The following CLIC5 variants were observed in gnomAD, a reference collection of about 807,000 sequenced individuals.
CLIC5 encodes CLIC family member 5.
CLIC5 carries 20 observed loss-of-function variants against 24.7 expected under a neutral mutation model. The ratio of observed to expected loss-of-function variants is 0.81; its 90% confidence interval spans 0.57 to 1.18. CLIC5 has a LOEUF of 1.18. Among genes scored for constraint, CLIC5 ranks in the 50% most tolerant of loss-of-function variants. The pLI is 0.00. For synonymous variants in CLIC5, 159 were observed against 135.6 expected (o/e 1.17, Z -1.20); for missense variants, 341 against 326.1 (o/e 1.05, Z -0.35).
chr6:46,048,001 T>G (rs550168945), intron 1 of CLIC5, among the ~76,000 whole-genome samples: 1 of 133,184 alleles, frequency 7.5e-6, no homozygotes, highest in East Asian at 2.2e-4. Context: ...CACTTCCATA[T>G]CTACTTTTTT....
intron 4 of CLIC5, among the ~76,000 whole-genome samples, chr6:45,927,536 C>A (rs1236403532): frequency 6.6e-6 from 1 of 152,188 alleles, no homozygotes; most frequent in Non-Finnish European, 1.5e-5. Flanking sequence ...TTTACAAAGA[C>A]AAAACGTATC....
At chr6:45,980,509 GC>G (rs1037925499) in intron 1 of CLIC5, among the ~76,000 whole-genome samples, 1 of 151,866 alleles carries the variant, frequency 6.6e-6, no homozygotes, top group African/African-American at 2.4e-5. Flanking sequence ...CCAAACCTCA[GC>G]GACATGGAAT....
chr6:45,967,579 C>T (rs1267542944), intron 1 of CLIC5, among the ~76,000 whole-genome samples: 3 of 152,152 alleles, frequency 2.0e-5, no homozygotes, highest in African/African-American at 7.2e-5. Context: ...TTGAACAATG[C>T]AGGTGTATTA....
At chr6:45,931,751 C>T (rs1449299352) in intron 4 of CLIC5, among the ~76,000 whole-genome samples, 7 of 152,252 alleles carry the variant, frequency 4.6e-5, no homozygotes, top group East Asian at 3.9e-4. Context: ...CTCTGCCTCC[C>T]GGGTTTAAGT....
chr6:46,036,436 G>A (rs1011543888), intron 1 of CLIC5, among the ~76,000 whole-genome samples: 1 of 149,318 alleles, frequency 6.7e-6, no homozygotes, highest in Non-Finnish European at 1.5e-5. Flanking sequence ...TCAGCCTCCC[G>A]AGTAGCTGGG....
intron 4 of CLIC5, among the ~76,000 whole-genome samples, chr6:45,925,314 C>T (rs141433305): frequency 6.8e-6 from 1 of 147,788 alleles, no homozygotes; most frequent in Admixed American, 6.7e-5. Flanking sequence ...TGTCATTATT[C>T]CGCTTTTTTT....
rs545260605 is a variant in CLIC5, at chr6:45,929,968, C to G, written c.406+11579G>C. ...CCCCTGGATGGCCAGGCCCTCCAGA[C>G]AGGGCCACTGTGACACGGGGGCTGG... On this transcript the variant is annotated intron_variant, in intron 4 of 5. Coordinates refer to ENST00000339561, the MANE Select transcript of CLIC5 (RefSeq NM_016929.5). Among the ~76,000 whole-genome samples, 5 of 152,256 alleles carry G rather than the reference C, an allele frequency of 3.3e-5. No individual in the cohort carries two copies. In the South Asian group the frequency reaches 1.0e-3, roughly 32 times the overall value.
chr6:45,919,923 T>C (rs1363703423), intron 4 of CLIC5, among the ~76,000 whole-genome samples: 2 of 152,256 alleles, frequency 1.3e-5, no homozygotes, highest in Admixed American at 6.5e-5. Context: ...TCTATTATAA[T>C]TTAGGTGCAA....
chr6:46,002,905 T>A (rs1445529957), intron 1 of CLIC5, among the ~76,000 whole-genome samples: 1 of 152,220 alleles, frequency 6.6e-6, no homozygotes, highest in African/African-American at 2.4e-5. Flanking sequence ...GTCATCTCCC[T>A]CTTGCTCGCC....
chr6:45,923,439 C>T (rs1459733231), intron 4 of CLIC5, among the ~76,000 whole-genome samples: 1 of 152,248 alleles, frequency 6.6e-6, no homozygotes, highest in Non-Finnish European at 1.5e-5. Context: ...ACATCTTTTA[C>T]ATAAGAGCCA....
chr6:46,033,541 G>T (rs111478026), intron 1 of CLIC5, among the ~76,000 whole-genome samples: 2,743 of 152,184 alleles, frequency 0.018, 76 homozygotes, highest in African/African-American at 0.061. Flanking sequence ...AAGAGAGTTT[G>T]GGGGCTGGAT....
chr6:45,971,989 C>T (rs1765216283), intron 1 of CLIC5, among the ~76,000 whole-genome samples: 1 of 152,084 alleles, frequency 6.6e-6, no homozygotes, highest in South Asian at 2.1e-4. Flanking sequence ...CTTCTCAGTC[C>T]TATGATACAG....
At chr6:46,124,585 TTAAAC>T in the CLIC5 span, among the ~76,000 whole-genome samples, 2 of 152,176 alleles carry the variant, frequency 1.3e-5, no homozygotes, top group African/African-American at 4.8e-5. Context: ...TGGGATCTAA[TTAAAC>T]TAAAGAACTT....
chr6:46,039,484 CATATT>C (rs1392259926), intron 1 of CLIC5, among the ~76,000 whole-genome samples: 1 of 151,900 alleles, frequency 6.6e-6, no homozygotes, highest in East Asian at 1.9e-4. Context: ...ATTCATTCCT[CATATT>C]ATATATTATA....
chr6:46,018,211 G>A (rs895131712), upstream of CLIC5, among the ~76,000 whole-genome samples: 11 of 152,270 alleles, frequency 7.2e-5, no homozygotes, highest in Admixed American at 2.0e-4. Flanking sequence ...TGCATAAAAT[G>A]TCTTCGAGGG....
At chr6:45,981,175 T>G (rs1327288644) in intron 1 of CLIC5, among the ~76,000 whole-genome samples, 1 of 152,028 alleles carries the variant, frequency 6.6e-6, no homozygotes, top group Non-Finnish European at 1.5e-5. Context: ...TTTCCATGTT[T>G]CCCAGGCTGG....
chr6:46,019,542 C>T (rs1448275375), upstream of CLIC5, among the ~76,000 whole-genome samples: 5 of 150,506 alleles, frequency 3.3e-5, no homozygotes, highest in East Asian at 1.9e-4. Context: ...AAAAATTAGC[C>T]GGGCGCGGTG....
intron 4 of CLIC5, among the ~76,000 whole-genome samples, chr6:45,929,240 T>A (rs1763632043): frequency 6.6e-6 from 1 of 152,054 alleles, no homozygotes; most frequent in South Asian, 2.1e-4. Flanking sequence ...ATTGGAAGCA[T>A]CCACCTCAAT....
intron 6 of CLIC5, among the ~76,000 whole-genome samples, chr6:45,887,485 A>G (rs1762314615): frequency 6.6e-6 from 1 of 152,234 alleles, no homozygotes; most frequent in Admixed American, 6.5e-5. Context: ...CCCTAAGCCC[A>G]TATGAGACCT....
Sources: allele counts gnomAD v4.1 joint callset (sites outside exome capture counted in the v4.1 genomes callset), GRCh38; gene constraint gnomAD v4.1.1; transcripts MANE v1.5; gene names NCBI Gene and HGNC (gene_info 2026-07-23, HGNC 2026-07-21).